PDZD2: variants seen among roughly 807,000 people sequenced by gnomAD.
The protein encoded by PDZD2 is PDZ domain containing 2.
In PDZD2, 90 loss-of-function variants were observed where a neutral mutation model predicts 220.7. That is an observed-to-expected ratio of 0.41 (90% CI 0.34 to 0.49). PDZD2 has a LOEUF of 0.49. Ranked by LOEUF, PDZD2 falls within the 20% of genes least tolerant of loss-of-function variation. The pLI is 0.28. For missense variants in PDZD2, 3,174 were observed against 3,608.5 expected (o/e 0.88, Z 3.08); for synonymous variants, 1,375 against 1,450.5 (o/e 0.95, Z 1.18).
At chr5:31,853,998 G>C (rs577551082) in intron 2 of PDZD2, among the ~76,000 whole-genome samples, 4 of 152,266 alleles carry the variant, frequency 2.6e-5, no homozygotes, top group Admixed American at 2.0e-4. Flanking sequence ...TTCCATAAAG[G>C]CTTGAGGTTT....
chr5:31,664,563 G>A (rs2150113962), intron 1 of PDZD2, among the ~76,000 whole-genome samples: 1 of 152,102 alleles, frequency 6.6e-6, no homozygotes, highest in South Asian at 2.1e-4. Context: ...GCCACAAATG[G>A]TTCACAGCCA....
chr5:31,893,556 C>T (rs868035155), intron 2 of PDZD2, among the ~76,000 whole-genome samples: 5 of 150,424 alleles, frequency 3.3e-5, no homozygotes, highest in African/African-American at 1.2e-4. Context: ...GGTGACAGAG[C>T]GAGACTCTGT....
intron 2 of PDZD2, among the ~76,000 whole-genome samples, chr5:31,949,711 C>T (rs1747008047): frequency 6.8e-6 from 1 of 146,178 alleles, no homozygotes; most frequent in African/African-American, 2.5e-5. Context: ...CTTGCTCTGT[C>T]GCTCAGGCTG....
At chr5:31,814,961 G>C (rs564394915) in intron 2 of PDZD2, among the ~76,000 whole-genome samples, 1 of 152,000 alleles carries the variant, frequency 6.6e-6, no homozygotes, top group Non-Finnish European at 1.5e-5. Context: ...TAGATGGCAA[G>C]GCCGGGGGCG....
chr5:31,937,717 TC>T lies in PDZD2; in HGVS notation c.477-45436del, dbSNP rs374235536. On this transcript the variant is annotated intron_variant, in intron 2 of 24. Transcript: ENST00000438447. ...TTTAGAAAACTTTTTCACCCCATGT[TC>T]CTACCGTCGCCACCCCAACTCTTGT... Among the ~76,000 whole-genome samples, 46 of 152,214 alleles carry T rather than the reference TC, an allele frequency of 3.0e-4. 1 individual carries two copies. Among genetic ancestry groups the T allele is most frequent in the African/African-American group, 3.1e-4 (13 of 41,460 alleles).
intron 7 of PDZD2, among the ~76,000 whole-genome samples, chr5:32,039,395 G>A (rs958499203): frequency 2.6e-5 from 4 of 151,458 alleles, no homozygotes; most frequent in East Asian, 2.0e-4. Context: ...ACGGAGTCTC[G>A]CTCACTCAAT....
chr5:31,651,044 G>A (rs999272666), intron 1 of PDZD2, among the ~76,000 whole-genome samples: 5 of 152,172 alleles, frequency 3.3e-5, no homozygotes, highest in African/African-American at 1.2e-4. Context: ...GGGAGAATGA[G>A]AAATCACCTA....
chr5:31,919,361 T>C (rs1743979545), intron 2 of PDZD2, among the ~76,000 whole-genome samples: 3 of 149,676 alleles, frequency 2.0e-5, no homozygotes, highest in Admixed American at 1.3e-4. Context: ...GTCTTGTCTT[T>C]TTTTTTTTTT....
rs1265534183 is a variant in PDZD2, at chr5:32,074,416, C to T, written c.3310C>T (p.Pro1104Ser). 3 of 1,614,042 alleles carry T rather than the reference C, an allele frequency of 1.9e-6. No individual in the cohort carries two copies. The highest frequency in any genetic ancestry group is 1.7e-6 in the Non-Finnish European group (2 of 1,180,034). The change falls in exon 18 of 25, where the codon CCC (proline) becomes TCC (serine). Residue 1104 changes from proline to serine, a missense_variant. Physicochemically the swap from Pro to Ser is moderately conservative, Grantham distance 74. Transcript: ENST00000438447. ...CCAGAGTCCGACGAACACTGGGAGCCCCAGTTCCCCCCAGCAGAAAAGTGA... is the reference window on the plus strand; with the variant it reads ...CCAGAGTCCGACGAACACTGGGAGCTCCAGTTCCCCCCAGCAGAAAAGTGA... The part of the protein sequence containing the change: ...DTQSPTNTGS[P>S]SSPQQKSEGL...
chr5:31,825,822 A>G (rs746185019), intron 2 of PDZD2, among the ~76,000 whole-genome samples: 1 of 152,162 alleles, frequency 6.6e-6, no homozygotes, highest in Non-Finnish European at 1.5e-5. Flanking sequence ...TGCTTTACGT[A>G]TATTGTATCT....
In PDZD2 at chr5:31,897,536, G is replaced by A. The variant is rs111833044; in HGVS notation, c.477-85619G>A. ...TGCACTTGAGATCCCAGTTGTCACT[G>A]GAGTTGAATCTCTCTGTCCCCCAGC... On this transcript the variant is annotated intron_variant, in intron 2 of 24. Coordinates refer to ENST00000438447, the MANE Select transcript of PDZD2 (RefSeq NM_178140.4). Among the ~76,000 whole-genome samples the A allele has an allele frequency of 7.6e-4, 115 of 152,160 alleles. 1 individual carries two copies. The highest frequency in any genetic ancestry group is 6.3e-4 in the Non-Finnish European group (43 of 68,040).
chr5:31,685,883 T>C (rs1490142922), intron 1 of PDZD2, among the ~76,000 whole-genome samples: 2 of 151,960 alleles, frequency 1.3e-5, no homozygotes, highest in Non-Finnish European at 2.9e-5. Context: ...TACTATGTAT[T>C]TATGAAAGAT....
chr5:31,681,939 G>A (rs554581971), intron 1 of PDZD2, among the ~76,000 whole-genome samples: 11 of 152,192 alleles, frequency 7.2e-5, no homozygotes, highest in Non-Finnish European at 1.2e-4. Context: ...TAAATATATT[G>A]TAGTGGCATA....
At chr5:31,978,042 A>G (rs1048161215) in intron 2 of PDZD2, among the ~76,000 whole-genome samples, 8 of 152,338 alleles carry the variant, frequency 5.3e-5, no homozygotes, top group Admixed American at 2.0e-4. Context: ...ATTTCTGGAT[A>G]CTGTGGTCTT....
At chr5:31,699,445 G>A (rs1329363967) in intron 1 of PDZD2, among the ~76,000 whole-genome samples, 1 of 152,158 alleles carries the variant, frequency 6.6e-6, no homozygotes, top group East Asian at 1.9e-4. Flanking sequence ...GCTCAGAAGT[G>A]CCAGATTAGA....
chr5:32,068,095 TGCC>T (rs1740377800), intron 14 of PDZD2, among the ~76,000 whole-genome samples: 1 of 152,098 alleles, frequency 6.6e-6, no homozygotes, highest in Admixed American at 6.6e-5. Flanking sequence ...TGACCCTTAG[TGCC>T]TCTGAATGCA....
At chr5:32,040,906 G>T (rs1369864774) in intron 7 of PDZD2, among the ~76,000 whole-genome samples, 1 of 143,264 alleles carries the variant, frequency 7.0e-6, no homozygotes, top group Non-Finnish European at 1.5e-5. Flanking sequence ...GCCCTGTCTG[G>T]GATGTGAGGA....
chr5:31,897,056 T>G (rs987670160), intron 2 of PDZD2, among the ~76,000 whole-genome samples: 2 of 151,694 alleles, frequency 1.3e-5, no homozygotes, highest in African/African-American at 4.9e-5. Flanking sequence ...GATCTCTGGA[T>G]GTAGGGTGGG....
intron 2 of PDZD2, among the ~76,000 whole-genome samples, chr5:31,894,861 TG>T (rs1391528380): frequency 6.6e-6 from 1 of 152,166 alleles, no homozygotes; most frequent in East Asian, 1.9e-4. Context: ...TTCTCAATCT[TG>T]TCCCAGTCTT....
Sources: gnomAD v4.1 joint callset for allele counts (sites outside exome capture counted in the v4.1 genomes callset) on GRCh38, gnomAD v4.1.1 for gene constraint, MANE v1.5 for transcripts, NCBI Gene and HGNC (gene_info 2026-07-23, HGNC 2026-07-21) for gene names.